ERN2: variants seen among roughly 807,000 people sequenced by gnomAD.
The protein encoded by ERN2 is endoplasmic reticulum to nucleus signaling 2, also known as serine/threonine-protein kinase/endoribonuclease IRE2.
Under a neutral mutation model 107.9 loss-of-function variants are expected in ERN2, and 111 were observed. That is an observed-to-expected ratio of 1.03 (90% CI 0.88 to 1.20). The LOEUF (loss-of-function observed/expected upper bound fraction) is 1.20, where lower values mean the gene tolerates loss of function less well. Ranked by LOEUF, ERN2 falls within the 50% of genes most tolerant of loss-of-function variation. The probability of loss-of-function intolerance (pLI) is 0.00; values close to 1 mark genes in which losing one functional copy is unlikely to be tolerated. For synonymous variants in ERN2, 524 were observed against 501.7 expected, an observed-to-expected ratio of 1.04 and a Z score of -0.59; for missense variants, 1,225 against 1,197.9, an observed-to-expected ratio of 1.02 and a Z score of -0.33.
rs3803717 is a variant in ERN2 at position 23,706,165 on chromosome 16, G to A, written c.589+165C>T. On this transcript the variant is annotated intron_variant, in intron 7 of 21. Coordinates refer to ENST00000256797, the MANE Select transcript of ERN2 (RefSeq NM_033266.4). ...AGGAGGGTCAGTCTGGGTGTTGAGG[G>A]AGTCACTTGGGGTCAGCCATCAGGG... is the stretch of plus-strand genomic sequence containing the variant. 1,066 of 562,580 alleles carry A rather than the reference G, an allele frequency of 1.9e-3. 13 individuals carry two copies. The East Asian group carries it at 0.027, about 14-fold the overall frequency. 34.8% of individuals were successfully genotyped at this position (562,580 alleles called of 1,614,324 possible).
Position 23,695,089 on chromosome 16 carries a change from C to T in ERN2, c.1830G>A (p.Gly610=), listed in dbSNP as rs747795426. 1.2e-6 allele frequency: 2 copies of T among 1,613,952 alleles called. No homozygotes were observed. The highest frequency in any genetic ancestry group is 4.5e-5 in the East Asian group (2 of 44,872). ...EYVENPDLDR[G]GLEPEVVLQQ... ...GCAGCACGACCTCGGGCTCCAGACC[C>T]CCGCGATCCAGGTCCGGGTTTTCTA... is the stretch of plus-strand genomic sequence containing the variant. Residue 610 remains glycine (G), a synonymous_variant, in exon 16 of 22, where the codon GGG becomes GGA. Coordinates refer to ENST00000256797, the MANE Select transcript of ERN2 (RefSeq NM_033266.4).
At position 23,702,514 on chromosome 16, in the gene ERN2, G is replaced by C; in HGVS notation, c.957C>G (p.Pro319=). ...CCTCATCTGTGGTGGGGCCATCTGC[G>C]GGGGCCAGGGTCAGTCCACGAGGCT... The part of the protein sequence containing the change: ...ALVPRGLTLA[P]ADGPTTDEVT... The change falls in exon 10 of 22, where the codon CCC becomes CCG. Residue 319 remains proline, a synonymous_variant. Transcript: ENST00000256797. 1.9e-6 allele frequency: 3 copies of C among 1,613,902 alleles called. No individual in the cohort carries two copies. Among genetic ancestry groups the C allele is most frequent in the Non-Finnish European group, 2.5e-6 (3 of 1,180,020 alleles).
Position 23,690,902 on chromosome 16 carries a change from T to C in ERN2, c.2710A>G (p.Ser904Gly). Residue 904 changes from serine (S) to glycine (G), a missense_variant, in exon 22 of 22, where the codon AGC (serine) becomes GGC (glycine). Physicochemically the swap from Ser to Gly is moderately conservative, Grantham distance 56. Coordinates refer to ENST00000256797, the MANE Select transcript of ERN2 (RefSeq NM_033266.4). ...GGCGGGTAGTAGGGCAGGAAGAGGCTCTCAGAGGCGCAGCTCCTCATGGCT... is the reference window on the plus strand; with the variant it reads ...GGCGGGTAGTAGGGCAGGAAGAGGCCCTCAGAGGCGCAGCTCCTCATGGCT... The part of the protein sequence containing the change: ...HRAMRSCASE[S>G]LFLPYYPPDS... The C allele has an allele frequency of 1.2e-6, 2 of 1,614,000 alleles. No individual in the cohort carries two copies. The highest frequency in any genetic ancestry group is 1.7e-6 in the Non-Finnish European group (2 of 1,180,026).
In ERN2 at chr16:23,691,167, TC is replaced by T. The variant is rs774025880; in HGVS notation, c.2529del (p.Thr844HisfsTer10). 5 of 1,613,938 alleles carry T rather than the reference TC, an allele frequency of 3.1e-6. No individual in the cohort carries two copies. In the African/African-American group the frequency reaches 6.7e-5, roughly 22 times the overall value. On this transcript the variant is annotated frameshift_variant, in exon 21 of 22. Transcript: ENST00000256797. LOFTEE classifies it low-confidence loss of function (END_TRUNC). ...TDLRKFRSYKGTSVRDLLRAV... is the reference protein window; with the variant it reads ...TDLRKFRSYKXTSVRDLLRAV... ...GCACGGAGCAGGTCTCGCACTGATGTCCCCTTATAGGACCGGAACTTTCTCA... is the reference window on the plus strand; with the variant it reads ...GCACGGAGCAGGTCTCGCACTGATGTCCCTTATAGGACCGGAACTTTCTCA...
Position 23,694,928 on chromosome 16 carries a change from CT to C in ERN2, c.1901-2del. The C allele has an allele frequency of 6.2e-7, 1 of 1,614,130 alleles. No individual in the cohort carries two copies. Among genetic ancestry groups the C allele is most frequent in the Non-Finnish European group, 8.5e-7 (1 of 1,179,990 alleles). ...TTTCCTGGCTTCAGGTCCCGGTGCACTGTGGGAGAGGGGCAGAAAGAAAGCT... is the reference window on the plus strand; with the variant it reads ...TTTCCTGGCTTCAGGTCCCGGTGCACGTGGGAGAGGGGCAGAAAGAAAGCT... On this transcript the variant is annotated splice_acceptor_variant, in intron 16 of 21. Coordinates refer to ENST00000256797, the MANE Select transcript of ERN2 (RefSeq NM_033266.4). LOFTEE classifies it high-confidence loss of function.
chr16:23,696,037 C>T, intron 13 of ERN2, 59 bp from the exon 14 acceptor site: 1 of 1,299,070 alleles, frequency 7.7e-7, no homozygotes, highest in Non-Finnish European at 1.1e-6. Flanking sequence ...CGGCCACTGG[C>T]CCAGTCCAGA....
intron 13 of ERN2, among the ~76,000 whole-genome samples, chr16:23,698,886 C>A (rs1255084434): frequency 6.6e-6 from 1 of 152,182 alleles, no homozygotes; most frequent in Non-Finnish European, 1.5e-5. Context: ...CCGTGCCCAG[C>A]CAAATTTATT....
At chr16:23,699,568 T>C (rs1000642087) in intron 13 of ERN2, among the ~76,000 whole-genome samples, 3 of 152,056 alleles carry the variant, frequency 2.0e-5, no homozygotes, top group Non-Finnish European at 4.4e-5. Flanking sequence ...GGACTGCAGG[T>C]GCACACCACC....
At chr16:23,709,184 T>C in intron 4 of ERN2, 1 of 455,738 alleles carries the variant, frequency 2.2e-6, no homozygotes, top group South Asian at 1.6e-5. Context: ...TAGTTCCAGC[T>C]ACTCAGGATA....
rs929825731 is a variant in ERN2, at chr16:23,690,528, C to T, written c.*303G>A. ...GGAGTGCAGTGGCATGATCCTGGCT[C>T]ACTGCAGCCTCGAACTCCTGGGCTC... On this transcript the variant is annotated 3_prime_UTR_variant, in exon 22 of 22. Coordinates refer to ENST00000256797, the MANE Select transcript of ERN2 (RefSeq NM_033266.4). The T allele has an allele frequency of 2.1e-6, 1 of 479,530 alleles. No homozygotes were observed. The highest frequency in any genetic ancestry group is 3.8e-6 in the Non-Finnish European group (1 of 261,186). 29.7% of individuals were successfully genotyped at this position (479,530 alleles called of 1,614,324 possible).
At chr16:23,707,136 G>T in intron 4 of ERN2, 57 bp from the exon 5 acceptor site, 1 of 1,233,618 alleles carries the variant, frequency 8.1e-7, no homozygotes, top group Non-Finnish European at 1.2e-6. Context: ...AGTGCTCACT[G>T]TGCCAGGTGA....
At chr16:23,710,394 A>G in intron 3 of ERN2, 122 bp downstream of exon 3, 1 of 1,231,760 alleles carries the variant, frequency 8.1e-7, no homozygotes, top group Non-Finnish European at 1.2e-6. Context: ...TATCACATCC[A>G]GAGCCAATTC....
Position 23,700,988 on chromosome 16 carries a change from C to T in ERN2, c.1330G>A (p.Gly444Arg). The T allele has an allele frequency of 1.2e-6, 2 of 1,614,098 alleles. No homozygotes were observed. Among genetic ancestry groups the T allele is most frequent in the Non-Finnish European group, 1.7e-6 (2 of 1,179,976 alleles). Reference protein sequence around the residue: ...LAASLTAVLLGGWILFVMRQQ... With the variant: ...LAASLTAVLLRGWILFVMRQQ... ...CTCATCACAAAGAGAATCCACCCTC[C>T]CAGGAGGACAGCAGTGAGGCTAGCT... The change falls in exon 12 of 22, where the codon GGA (glycine) becomes AGA (arginine). Residue 444 changes from glycine to arginine, a missense_variant. Physicochemically the swap from Gly to Arg is moderately radical, Grantham distance 125. Coordinates refer to ENST00000256797, the MANE Select transcript of ERN2 (RefSeq NM_033266.4).
At chr16:23,702,296 T>C (rs1960109753) in intron 10 of ERN2, 23 bp from the exon 11 acceptor site, 4 of 1,613,786 alleles carry the variant, frequency 2.5e-6, no homozygotes, top group Non-Finnish European at 3.4e-6. Flanking sequence ...GCAAAAGTCA[T>C]CAGGCTGAAG....
chr16:23,694,847 AGTCTGAGAGCACCACTCTGCCCAGGCCCT>A lies in ERN2; in HGVS notation c.1952_1980del (p.Gln651LeufsTer13). ...GCAGGCAGCTTCTTGCAGAGGCCGA[AGTCTGAGAGCACCACTCTGCCCAGGCCCT>A]GGCTGTCAGGCCCGGTGATGAGAAT... On this transcript the variant is annotated frameshift_variant, in exon 17 of 22. Transcript: ENST00000256797. LOFTEE classifies it high-confidence loss of function. 1.9e-6 allele frequency: 3 copies of A among 1,614,188 alleles called. No homozygotes were observed. The highest frequency in any genetic ancestry group is 2.5e-6 in the Non-Finnish European group (3 of 1,180,012).
chr16:23,702,431 G>A lies in ERN2; in HGVS notation c.1040C>T (p.Pro347Leu), dbSNP rs763544775. Residue 347 changes from proline (P) to leucine (L), a missense_variant, in exon 10 of 22, where the codon CCC (proline) becomes CTC (leucine). Coordinates refer to ENST00000256797, the MANE Select transcript of ERN2 (RefSeq NM_033266.4). ...EGSPSTAVRY[P>L]SGSVALPSQW... ...GCTTGGGAGGGCCACACTGCCTGAG[G>A]GGTATCTAACAGCAGTGCTGGGTGA... 3.0e-5 allele frequency: 48 copies of A among 1,613,498 alleles called. No individual in the cohort carries two copies. The highest frequency in any genetic ancestry group is 1.0e-4 in the Admixed American group (6 of 60,008).
At chr16:23,695,806 A>G in intron 14 of ERN2, 88 bp downstream of exon 14, 1 of 859,068 alleles carries the variant, frequency 1.2e-6, no homozygotes, top group Non-Finnish European at 1.9e-6. Flanking sequence ...CACCTCGGGG[A>G]GTCTTTGAAA....
At chr16:23,698,147 T>A (rs574130587) in intron 13 of ERN2, among the ~76,000 whole-genome samples, 72 of 152,284 alleles carry the variant, frequency 4.7e-4, no homozygotes, top group Non-Finnish European at 8.5e-4. Flanking sequence ...TTACAGTCAG[T>A]CACATTCTTT....
intron 8 of ERN2, among the ~76,000 whole-genome samples, chr16:23,703,377 T>C (rs1355855814): frequency 6.6e-6 from 1 of 152,220 alleles, no homozygotes; most frequent in African/African-American, 2.4e-5. Flanking sequence ...CTTTGACTCC[T>C]TGCTCACAAT....
Sources: gnomAD v4.1 joint callset for allele counts (sites outside exome capture counted in the v4.1 genomes callset) on GRCh38, gnomAD v4.1.1 for gene constraint, MANE v1.5 for transcripts, NCBI Gene and HGNC (gene_info 2026-07-23, HGNC 2026-07-21) for gene names.